The following SLC34A2 variants were observed in gnomAD, a reference collection of about 807,000 sequenced individuals.
SLC34A2 encodes solute carrier family 34 member 2.
A neutral mutation model predicts 50.8 loss-of-function variants in SLC34A2; 41 were observed. The observed-to-expected ratio is 0.81, with a 90% CI of 0.63 to 1.05. SLC34A2 has a LOEUF of 1.05. Among genes scored for constraint, SLC34A2 ranks in the 50% least tolerant of loss-of-function variants. The pLI, the probability that SLC34A2 is intolerant of heterozygous loss-of-function variation, is 0.00. For synonymous variants in SLC34A2, 401 were observed against 364.2 expected, an observed-to-expected ratio of 1.10 and a Z score of -1.15; for missense variants, 879 against 876.7, an observed-to-expected ratio of 1.00 and a Z score of -0.03.
chr4:25,656,176 T>A (rs1286835348), intron 1 of SLC34A2, among the ~76,000 whole-genome samples: 1 of 152,176 alleles, frequency 6.6e-6, no homozygotes, highest in South Asian at 2.1e-4. Flanking sequence ...GAGTCGTGGT[T>A]TGGAAGAGGA....
Position 25,676,331 on chromosome 4 carries a change from G to A in SLC34A2, c.1655G>A (p.Trp552Ter). 1 of 1,614,172 alleles carries A rather than the reference G, an allele frequency of 6.2e-7. No homozygotes were observed. Among genetic ancestry groups the A allele is most frequent in the Non-Finnish European group, 8.5e-7 (1 of 1,180,040 alleles). Residue 552 changes from tryptophan (W) to a stop codon, truncating the protein, a stop_gained, in exon 13 of 13, where the codon TGG becomes TAG. Coordinates refer to ENST00000382051, the MANE Select transcript of SLC34A2 (RefSeq NM_006424.3). LOFTEE classifies it low-confidence loss of function (END_TRUNC). Reference sequence around the variant, plus strand: ...GTGTTTGGCCTCTCGCTGGCCGGCTGGCGGGTGCTGGTTGGTGTCGGGGTT... The same window carrying A: ...GTGTTTGGCCTCTCGCTGGCCGGCTAGCGGGTGCTGGTTGGTGTCGGGGTT... Reference protein sequence around the residue: ...LTVFGLSLAGWRVLVGVGVPV... With the variant: ...LTVFGLSLAG
intron 7 of SLC34A2, 52 bp downstream of exon 7, chr4:25,669,894 T>C (rs775869754): frequency 2.8e-6 from 4 of 1,445,168 alleles, no homozygotes; most frequent in Non-Finnish European, 9.7e-7. Context: ...ACCCACAACA[T>C]CCCCTACCTG....
chr4:25,676,838 C>A lies in SLC34A2; in HGVS notation c.*89C>A. The A allele has an allele frequency of 5.1e-6, 8 of 1,572,968 alleles. No individual in the cohort carries two copies. Among genetic ancestry groups the A allele is most frequent in the South Asian group, 2.3e-5 (2 of 88,588 alleles). ...CCACTTCTGCACCCTTTCACCACCT[C>A]GAGGAGATTTGCTCCCCATTAGCGA... On this transcript the variant is annotated 3_prime_UTR_variant, in exon 13 of 13. Transcript: ENST00000382051.
chr4:25,674,041 A>C (rs950422256), intron 10 of SLC34A2, among the ~76,000 whole-genome samples: 1 of 152,028 alleles, frequency 6.6e-6, no homozygotes, highest in Admixed American at 6.6e-5. Flanking sequence ...GGGTGGGTTC[A>C]CTCTTTCTAA....
In SLC34A2 at chr4:25,671,645, C is replaced by T. The variant is rs772325950; in HGVS notation, c.972C>T (p.Ser324=). ...VTVPSTANCT[S]PSLCWTDGIQ... ...TTCCCTCGACTGCTAACTGCACCTC[C>T]CCTTCCCTCTGTTGGACGGATGGCA... is the stretch of plus-strand genomic sequence containing the variant. Residue 324 remains serine, a synonymous_variant, in exon 9 of 13, where the codon TCC becomes TCT. Coordinates refer to ENST00000382051, the MANE Select transcript of SLC34A2 (RefSeq NM_006424.3). The T allele has an allele frequency of 1.9e-6, 3 of 1,614,188 alleles. No homozygotes were observed. The highest frequency in any genetic ancestry group is 1.1e-5 in the South Asian group (1 of 91,086).
intron 3 of SLC34A2, 104 bp from the exon 4 acceptor site, chr4:25,664,097 AG>A: frequency 9.2e-7 from 1 of 1,087,482 alleles, no homozygotes; most frequent in Non-Finnish European, 1.4e-6. Flanking sequence ...CTGGGAAGGG[AG>A]GGGAGGTCGG....
chr4:25,676,547 T>TGTGCTGCCGCGC lies in SLC34A2; in HGVS notation c.1879_1890dup (p.Arg627_Cys630dup), dbSNP rs747280846. 4 of 1,612,674 alleles carry TGTGCTGCCGCGC rather than the reference T, an allele frequency of 2.5e-6. No homozygotes were observed. Among genetic ancestry groups the TGTGCTGCCGCGC allele is most frequent in the East Asian group, 2.2e-5 (1 of 44,862 alleles). On this transcript the variant is annotated inframe_insertion, in exon 13 of 13. Transcript: ENST00000382051. ...ATGCGCTGCTGCTGCTGCTGCCGCG[T>TGTGCTGCCGCGC]GTGCTGCCGCGCGTGCTGCTTGCTG...
In SLC34A2 at chr4:25,664,191, C is replaced by G. The variant is rs975558855; in HGVS notation, c.251-11C>G. The stretch of plus-strand genomic sequence containing the variant: ...CCTTTCTCTCTCTCCCCCCATCCCA[C>G]CCCCCTGCAGAGAGAGACACCAAAG... On this transcript the variant is annotated splice_polypyrimidine_tract_variant and intron_variant, in intron 3 of 12. Coordinates refer to ENST00000382051, the MANE Select transcript of SLC34A2 (RefSeq NM_006424.3). The G allele has an allele frequency of 6.2e-7, 1 of 1,605,554 alleles. No homozygotes were observed. The highest frequency in any genetic ancestry group is 8.5e-7 in the Non-Finnish European group (1 of 1,173,514).
chr4:25,665,070 G>C, intron 4 of SLC34A2: 1 of 224,460 alleles, frequency 4.5e-6, no homozygotes, highest in Non-Finnish European at 8.9e-6. Flanking sequence ...AACCCTTGGT[G>C]CCTTTCTTGG....
Position 25,676,366 on chromosome 4 carries a change from T to C in SLC34A2, c.1690T>C (p.Phe564Leu). 3 of 1,614,180 alleles carry C rather than the reference T, an allele frequency of 1.9e-6. No individual in the cohort carries two copies. Among genetic ancestry groups the C allele is most frequent in the Non-Finnish European group, 2.5e-6 (3 of 1,180,028 alleles). The change falls in exon 13 of 13, where the codon TTC (phenylalanine) becomes CTC (leucine). Residue 564 changes from phenylalanine (F) to leucine (L), a missense_variant. Coordinates refer to ENST00000382051, the MANE Select transcript of SLC34A2 (RefSeq NM_006424.3). ...VLVGVGVPVV[F>L]IIILVLCLRL... is the part of the protein sequence containing the mutation. ...GGTTGGTGTCGGGGTTCCCGTCGTC[T>C]TCATCATCATCCTGGTACTGTGCCT...
At chr4:25,659,106 G>A (rs559154287) in intron 1 of SLC34A2, among the ~76,000 whole-genome samples, 1 of 152,162 alleles carries the variant, frequency 6.6e-6, no homozygotes, top group South Asian at 2.1e-4. Flanking sequence ...GAGGGCTGGA[G>A]AATTTCTCCT....
At chr4:25,663,078 A>G (rs1714299102) in intron 3 of SLC34A2, among the ~76,000 whole-genome samples, 1 of 151,932 alleles carries the variant, frequency 6.6e-6, no homozygotes, top group South Asian at 2.1e-4. Context: ...GGGTTCAAGC[A>G]GTTATCCTGC....
In SLC34A2 at chr4:25,660,730, A is replaced by G. The variant is rs1332115882; in HGVS notation, c.-3-1768A>G. On this transcript the variant is annotated intron_variant, in intron 1 of 12. Coordinates refer to ENST00000382051, the MANE Select transcript of SLC34A2 (RefSeq NM_006424.3). ...CTGGCTAATTTTGTATTTTTAGTAG[A>G]GACGGGGTTTCACCATGTTGTCCAG... Among the ~76,000 whole-genome samples the G allele has an allele frequency of 2.0e-5, 3 of 152,160 alleles. No individual in the cohort carries two copies. The East Asian group carries it at 5.8e-4, about 29-fold the overall frequency.
rs375862993 is a variant in SLC34A2 at position 25,670,811 on chromosome 4, G to C, written c.905G>C (p.Trp302Ser). 5.0e-6 allele frequency: 8 copies of C among 1,613,824 alleles called. No homozygotes were observed. Among genetic ancestry groups the C allele is most frequent in the African/African-American group, 2.7e-5 (2 of 74,914 alleles). The change falls in exon 8 of 13, where the codon TGG becomes TCG. Residue 302 changes from tryptophan to serine, a missense_variant. By Grantham distance (177) the Trp-to-Ser change is radical. Coordinates refer to ENST00000382051, the MANE Select transcript of SLC34A2 (RefSeq NM_006424.3). The part of the protein sequence containing the change: ...KAKNKSLVKI[W>S]CKTFTNKTQI... Reference sequence around the variant, plus strand: ...AAAAACAAGAGTCTTGTCAAGATTTGGTGCAAAACTTTTACCAACAAGGTA... The same window carrying C: ...AAAAACAAGAGTCTTGTCAAGATTTCGTGCAAAACTTTTACCAACAAGGTA...
chr4:25,676,664 A>T lies in SLC34A2; in HGVS notation c.1988A>T (p.Glu663Val). The stretch of plus-strand genomic sequence containing the variant: ...CAGGATGTCCCTGTCAAGGCTCCTG[A>T]GACCTTTGATAACATAACCATTAGC... ...EGQDVPVKAP[E>V]TFDNITISRE... Residue 663 changes from glutamate (E) to valine (V), a missense_variant, in exon 13 of 13, where the codon GAG becomes GTG. Transcript: ENST00000382051. The T allele has an allele frequency of 6.2e-7, 1 of 1,614,196 alleles. No individual in the cohort carries two copies. Among genetic ancestry groups the T allele is most frequent in the Non-Finnish European group, 8.5e-7 (1 of 1,180,028 alleles).
Position 25,678,734 on chromosome 4 carries a change from T to C in SLC34A2, c.*1985T>C. ...TGGTTATGGGAAGGGAGAAATAAAA[T>C]CATCAAACCCAAAAGGAGTGTGTTG... On this transcript the variant is annotated 3_prime_UTR_variant, in exon 13 of 13. Transcript: ENST00000382051. The C allele has an allele frequency of 2.1e-6, 1 of 469,746 alleles. No homozygotes were observed. The highest frequency in any genetic ancestry group is 2.9e-5 in the South Asian group (1 of 34,704). 29.1% of individuals were successfully genotyped at this position (469,746 alleles called of 1,614,324 possible).
In SLC34A2 at chr4:25,674,297, T is replaced by C. The variant is rs767634415; in HGVS notation, c.1218T>C (p.Asp406=). The change falls in exon 11 of 13, where the codon GAT becomes GAC. Residue 406 remains aspartate, a splice_region_variant and synonymous_variant. Transcript: ENST00000382051. ...ATVIKKTINT[D]FPFPFAWLTG... ...ACATCTCTTCCTTCTGTCTTCCAGA[T>C]TTCCCCTTTCCCTTTGCATGGTTGA... is the stretch of plus-strand genomic sequence containing the variant. The C allele has an allele frequency of 1.9e-6, 3 of 1,613,376 alleles. No homozygotes were observed. In the South Asian group the frequency reaches 3.3e-5, roughly 18 times the overall value.
At chr4:25,666,681 G>T (rs1222724501) in intron 5 of SLC34A2, among the ~76,000 whole-genome samples, 2 of 152,208 alleles carry the variant, frequency 1.3e-5, no homozygotes, top group Non-Finnish European at 2.9e-5. Context: ...CTATTGAGAA[G>T]TAGAGACATA....
chr4:25,656,419 A>T (rs952379397), intron 1 of SLC34A2: 1 of 152,266 alleles, frequency 6.6e-6, no homozygotes. Context: ...TCCACGTGGT[A>T]CAGTGCTTGT....
Sources: allele counts gnomAD v4.1 joint callset (sites outside exome capture counted in the v4.1 genomes callset), GRCh38; gene constraint gnomAD v4.1.1; transcripts MANE v1.5; gene names NCBI Gene and HGNC (gene_info 2026-07-23, HGNC 2026-07-21).